FAM118A: variants seen among roughly 807,000 people sequenced by gnomAD.
The protein encoded by FAM118A is SIR2 antiphage like 2.
In FAM118A, 25 loss-of-function variants were observed where a neutral mutation model predicts 38.2. That is an observed-to-expected ratio of 0.65 (90% CI 0.48 to 0.91). FAM118A has a LOEUF of 0.91. Among genes scored for constraint, FAM118A ranks in the 40% least tolerant of loss-of-function variants. FAM118A has a pLI of 0.00. For synonymous variants in FAM118A, 178 were observed against 184.1 expected (o/e 0.97, Z 0.27); for missense variants, 425 against 463.3 (o/e 0.92, Z 0.76).
At chr22:45,322,160 A>G (rs1473953) in intron 1 of FAM118A, 482,243 of 1,490,466 alleles carry the variant, frequency 0.32, 89,548 homozygotes, top group African/African-American at 0.77. Flanking sequence ...CGAGAGTCCA[A>G]CCAGCCTGAT....
At chr22:45,334,162 A>G (rs548873686) in intron 6 of FAM118A, among the ~76,000 whole-genome samples, 16 of 152,336 alleles carry the variant, frequency 1.1e-4, no homozygotes, top group Admixed American at 5.2e-4. Flanking sequence ...TTGCTCATCT[A>G]TCAGGAATGA....
chr22:45,311,462 G>A (rs2084362071), intron 1 of FAM118A, among the ~76,000 whole-genome samples: 1 of 152,214 alleles, frequency 6.6e-6, no homozygotes. Context: ...GGTGGTCAGG[G>A]GGAGAAGTGA....
In FAM118A at chr22:45,340,444, T is replaced by G. The variant is rs749258607; in HGVS notation, c.*39T>G. The G allele has an allele frequency of 6.2e-7, 1 of 1,612,166 alleles. No homozygotes were observed. Among genetic ancestry groups the G allele is most frequent in the Non-Finnish European group, 8.5e-7 (1 of 1,178,172 alleles). ...AAACCTGCAACTTGAAAACTAGCCTTCTGTAACCACAGTGCCCAAACGAAG... is the reference window on the plus strand; with the variant it reads ...AAACCTGCAACTTGAAAACTAGCCTGCTGTAACCACAGTGCCCAAACGAAG... On this transcript the variant is annotated 3_prime_UTR_variant, in exon 9 of 9. Coordinates refer to ENST00000441876, the MANE Select transcript of FAM118A (RefSeq NM_017911.4).
intron 7 of FAM118A, among the ~76,000 whole-genome samples, chr22:45,335,583 C>T (rs1012639968): frequency 6.6e-6 from 1 of 152,134 alleles, no homozygotes; most frequent in African/African-American, 2.4e-5. Flanking sequence ...ATCCCTTTGA[C>T]GAGGAAGCAC....
rs1174939373 is a variant in FAM118A, at chr22:45,340,519, ATACACCAAGAGAGCCACAT to A, written c.*115_*133del. 1.6e-6 allele frequency: 2 copies of A among 1,275,098 alleles called. No homozygotes were observed. Among genetic ancestry groups the A allele is most frequent in the African/African-American group, 2.9e-5 (2 of 68,302 alleles). 79.0% of individuals were successfully genotyped at this position (1,275,098 alleles called of 1,614,324 possible). On this transcript the variant is annotated 3_prime_UTR_variant, in exon 9 of 9. Coordinates refer to ENST00000441876, the MANE Select transcript of FAM118A (RefSeq NM_017911.4). ...GGATCTCTGATTGCGAAACCGTCAC[ATACACCAAGAGAGCCACAT>A]GGGCATGTGGCCCTCAAGGCTGGGT... is the stretch of plus-strand genomic sequence containing the variant.
At chr22:45,320,242 A>T (rs577418300) in intron 1 of FAM118A, among the ~76,000 whole-genome samples, 1 of 152,200 alleles carries the variant, frequency 6.6e-6, no homozygotes, top group African/African-American at 2.4e-5. Flanking sequence ...ATGCAGGCGG[A>T]TCACAAGGTC....
chr22:45,334,064 C>T (rs2085916592), intron 6 of FAM118A, among the ~76,000 whole-genome samples: 1 of 152,160 alleles, frequency 6.6e-6, no homozygotes, highest in African/African-American at 2.4e-5. Flanking sequence ...ATTTCATGAA[C>T]ACTTTACTTC....
intron 4 of FAM118A, 115 bp from the exon 5 acceptor site, chr22:45,330,488 C>T (rs567613989): frequency 1.0e-5 from 12 of 1,181,782 alleles, no homozygotes; most frequent in South Asian, 2.1e-5. Flanking sequence ...AAGCATCTCT[C>T]GATGATTCTT....
At chr22:45,328,778 A>C (rs1039131692) in intron 4 of FAM118A, 18 of 322,686 alleles carry the variant, frequency 5.6e-5, no homozygotes, top group Non-Finnish European at 9.3e-5. Flanking sequence ...ACCCTGTCTC[A>C]AAAAACAAAA....
At chr22:45,339,335 G>A (rs1006042260) in intron 8 of FAM118A, among the ~76,000 whole-genome samples, 1 of 151,294 alleles carries the variant, frequency 6.6e-6, no homozygotes, top group African/African-American at 2.4e-5. Context: ...GGAGGCGGAG[G>A]TTGCAGTGAG....
intron 3 of FAM118A, among the ~76,000 whole-genome samples, chr22:45,324,474 C>G (rs1421596965): frequency 6.6e-6 from 1 of 152,242 alleles, no homozygotes; most frequent in Non-Finnish European, 1.5e-5. Context: ...TCTGTTTCAT[C>G]TCATTGGCCA....
rs1274370506 is a variant in FAM118A at position 45,310,074 on chromosome 22, C to T, written c.-119C>T. The T allele has an allele frequency of 6.6e-6, 1 of 152,044 alleles. No individual in the cohort carries two copies. The highest frequency in any genetic ancestry group is 1.5e-5 in the Non-Finnish European group (1 of 68,008). The allele number at this position is 152,044 out of a possible 1,614,324, so 9.4% of individuals were successfully genotyped here. A position where few individuals can be genotyped will look rare whatever the true frequency, so the allele number is the denominator to read the frequency against. On this transcript the variant is annotated 5_prime_UTR_variant, in exon 1 of 9. Transcript: ENST00000441876. ...CTCCCCGAGAACCATCCCCTTGCCC[C>T]GCCCAGCGTCAGGGGTGCGCGGCCG...
At chr22:45,318,762 G>A (rs1324207053) in intron 1 of FAM118A, 2 of 152,150 alleles carry the variant, frequency 1.3e-5, no homozygotes, top group Non-Finnish European at 2.9e-5. Flanking sequence ...TTTCCGTGTT[G>A]GCTCCTTTGA....
chr22:45,319,027 T>C (rs1601892388), intron 1 of FAM118A: 2 of 152,212 alleles, frequency 1.3e-5, no homozygotes, highest in Non-Finnish European at 2.9e-5. Flanking sequence ...AATTTCGGAG[T>C]TAAATATAGC....
chr22:45,319,073 GAT>G (rs2084736433), intron 1 of FAM118A: 1 of 152,196 alleles, frequency 6.6e-6, no homozygotes, highest in African/African-American at 2.4e-5. Flanking sequence ...TGTTTTTGAA[GAT>G]GTGTAAATGC....
intron 8 of FAM118A, among the ~76,000 whole-genome samples, chr22:45,336,758 C>T (rs961120753): frequency 2.0e-5 from 3 of 152,168 alleles, no homozygotes; most frequent in South Asian, 2.1e-4. Flanking sequence ...CGCATTTTTG[C>T]GAAGTGAACG....
At chr22:45,310,494 C>T (rs998346997) in intron 1 of FAM118A, among the ~76,000 whole-genome samples, 5 of 152,132 alleles carry the variant, frequency 3.3e-5, no homozygotes, top group African/African-American at 1.2e-4. Context: ...CTCAGAAGCC[C>T]CCAGGCCCGG....
At chr22:45,309,685 TC>T (rs1164228071), upstream of FAM118A, 1 of 152,088 alleles carries the variant, frequency 6.6e-6, no homozygotes, top group Admixed American at 6.5e-5. Context: ...GCCCAAGCGC[TC>T]CCCAGCGCAA....
At chr22:45,316,035 C>T (rs1284332073) in intron 1 of FAM118A, among the ~76,000 whole-genome samples, 1 of 152,118 alleles carries the variant, frequency 6.6e-6, no homozygotes, top group Non-Finnish European at 1.5e-5. Flanking sequence ...AAGACTGTTG[C>T]TCAGTGATTT....
Sources: allele counts gnomAD v4.1 joint callset (sites outside exome capture counted in the v4.1 genomes callset), GRCh38; gene constraint gnomAD v4.1.1; transcripts MANE v1.5; gene names NCBI Gene and HGNC (gene_info 2026-07-23, HGNC 2026-07-21).